CORO1C: variants seen among roughly 807,000 people sequenced by gnomAD.
CORO1C encodes the protein coronin-1C.
CORO1C carries 14 observed loss-of-function variants against 51.2 expected under a neutral mutation model. The observed-to-expected ratio is 0.27, with a 90% CI of 0.18 to 0.43. The LOEUF (loss-of-function observed/expected upper bound fraction) is 0.43. Ranked by LOEUF, CORO1C falls within the 20% of genes least tolerant of loss-of-function variation. The pLI is 1.00. For missense variants in CORO1C, 417 were observed against 607.8 expected (o/e 0.69, Z 3.30); for synonymous variants, 181 against 210.5 (o/e 0.86, Z 1.21).
chr12:108,687,226 G>A (rs1488518275), intron 2 of CORO1C, among the ~76,000 whole-genome samples: 1 of 152,144 alleles, frequency 6.6e-6, no homozygotes, highest in African/African-American at 2.4e-5. Flanking sequence ...TGCTATAAAA[G>A]GAAAGTTCAA....
intron 2 of CORO1C, among the ~76,000 whole-genome samples, chr12:108,683,636 T>A (rs973804731): frequency 6.6e-6 from 1 of 151,916 alleles, no homozygotes; most frequent in Non-Finnish European, 1.5e-5. Flanking sequence ...CTAGATGAAA[T>A]ACACAATCTC....
intron 7 of CORO1C, among the ~76,000 whole-genome samples, chr12:108,653,496 C>T (rs1265644114): frequency 1.3e-5 from 2 of 152,144 alleles, no homozygotes; most frequent in East Asian, 3.8e-4. Context: ...TCTAACAGGT[C>T]TAGGGACTAC....
At chr12:108,679,109 C>CAAAAAAAAAAAAAAAAAAAAA (rs1183326267) in intron 2 of CORO1C, among the ~76,000 whole-genome samples, 2 of 22,166 alleles carry the variant, frequency 9.0e-5, no homozygotes, top group African/African-American at 2.9e-4. Flanking sequence ...GACTCTGTCT[C>CAAAAAAAAAAAAAAAAAAAAA]AAAAAAAAAA....
At chr12:108,711,632 A>G (rs372321099) in intron 1 of CORO1C, among the ~76,000 whole-genome samples, 1 of 151,074 alleles carries the variant, frequency 6.6e-6, no homozygotes, top group African/African-American at 2.4e-5. Context: ...GTGAACCGAG[A>G]TCGCGTCACT....
chr12:108,703,177 C>G (rs529702179), intron 1 of CORO1C: 66 of 379,158 alleles, frequency 1.7e-4, no homozygotes, highest in African/African-American at 1.3e-3. Flanking sequence ...ATAGAAGCTG[C>G]AATCCCTACC....
rs909902477 is a variant in CORO1C, at chr12:108,677,080, C to T, written c.318+1192G>A. The stretch of plus-strand genomic sequence containing the variant: ...GCTTTCCAAACAATGTTTCAGTCCA[C>T]AGCCAATAGAGAGGAAAATAAAAGT... On this transcript the variant is annotated intron_variant, in intron 3 of 10. Transcript: ENST00000261401. Among the ~76,000 whole-genome samples, 3 of 152,170 alleles carry T rather than the reference C, an allele frequency of 2.0e-5. No individual in the cohort carries two copies. In the South Asian group the frequency reaches 6.2e-4, roughly 32 times the overall value.
intron 3 of CORO1C, among the ~76,000 whole-genome samples, chr12:108,673,834 T>G (rs544723830): frequency 2.6e-5 from 4 of 152,120 alleles, no homozygotes; most frequent in Non-Finnish European, 5.9e-5. Flanking sequence ...CATATGTAAC[T>G]AACCTGCACA....
At position 108,715,636 on chromosome 12, in the gene CORO1C, T is replaced by TC. The variant is rs1392728632; in HGVS notation, c.-5-14314dup. Among the ~76,000 whole-genome samples, 5 of 31,736 alleles carry TC rather than the reference T, an allele frequency of 1.6e-4. No individual in the cohort carries two copies. In the East Asian group the frequency reaches 9.4e-3, roughly 60 times the overall value. 20.8% of individuals were successfully genotyped at this position (31,736 alleles called of 152,430 possible). A position where few individuals can be genotyped will look rare whatever the true frequency, so the allele number is the denominator to read the frequency against. On this transcript the variant is annotated intron_variant, in intron 1 of 10. Transcript: ENST00000261401. ...GGCGCTACCTGACCCGCCTCCTCCC[T>TC]CCCCCCCTCCCCCCCGCATACTCAC... is the stretch of plus-strand genomic sequence containing the variant.
intron 3 of CORO1C, among the ~76,000 whole-genome samples, chr12:108,668,091 A>G (rs1449101601): frequency 6.6e-6 from 1 of 152,208 alleles, no homozygotes. Context: ...CTATTTTTCC[A>G]TTCCTAAGGA....
intron 1 of CORO1C, among the ~76,000 whole-genome samples, chr12:108,708,763 A>C (rs554701926): frequency 9.2e-5 from 14 of 151,850 alleles, no homozygotes; most frequent in African/African-American, 1.4e-4. Context: ...TGCTCGGTCT[A>C]TTTATTATTT....
intron 2 of CORO1C, 95 bp from the exon 3 acceptor site, chr12:108,678,489 A>G (rs2033990124): frequency 9.2e-7 from 1 of 1,081,682 alleles, no homozygotes; most frequent in Non-Finnish European, 1.3e-6. Flanking sequence ...ACCTCCACCC[A>G]AAACTCTCAA....
At chr12:108,688,207 A>C (rs1204154927) in intron 2 of CORO1C, among the ~76,000 whole-genome samples, 1 of 152,108 alleles carries the variant, frequency 6.6e-6, no homozygotes, top group African/African-American at 2.4e-5. Context: ...CACCGTGCCC[A>C]GCCCAGTATA....
Position 108,658,719 on chromosome 12 carries a change from T to C in CORO1C, c.630+19A>G. Reference sequence around the variant, plus strand: ...CTCAAGTGCTCCAACTACTGAGTTTTCATCCTAGGAATACTCACAGCAACA... The same window carrying C: ...CTCAAGTGCTCCAACTACTGAGTTTCCATCCTAGGAATACTCACAGCAACA... On this transcript the variant is annotated intron_variant, in intron 5 of 10. Coordinates refer to ENST00000261401, the MANE Select transcript of CORO1C (RefSeq NM_014325.4). This position sits in a 1 kb window ranked among gnomAD's most constrained non-coding sequence, Gnocchi z 4.9. 1.1e-5 allele frequency: 18 copies of C among 1,600,084 alleles called. No homozygotes were observed. The highest frequency in any genetic ancestry group is 1.5e-5 in the Non-Finnish European group (18 of 1,168,036).
chr12:108,694,279 CAAAAAAAA>C lies in CORO1C; in HGVS notation c.195+6837_195+6844del, dbSNP rs60647143. On this transcript the variant is annotated intron_variant, in intron 2 of 10. Transcript: ENST00000261401. ...CCTGGGGAACAGAGCAAGACTGTCTCAAAAAAAAAAAAAAAAAAAAAAAAAGCAAGAAC... is the reference window on the plus strand; with the variant it reads ...CCTGGGGAACAGAGCAAGACTGTCTCAAAAAAAAAAAAAAAAAGCAAGAAC... Among the ~76,000 whole-genome samples, 7 of 66,228 alleles carry C rather than the reference CAAAAAAAA, an allele frequency of 1.1e-4. No individual in the cohort carries two copies. In the Admixed American group the frequency reaches 1.1e-3, roughly 11 times the overall value. 43.4% of individuals were successfully genotyped at this position (66,228 alleles called of 152,430 possible).
At chr12:108,655,091 A>T (rs1461051298) in intron 6 of CORO1C, among the ~76,000 whole-genome samples, 1 of 94,778 alleles carries the variant, frequency 1.1e-5, no homozygotes, top group African/African-American at 4.0e-5. Context: ...CATAAAAATC[A>T]TTCCATCAAA....
Position 108,662,150 on chromosome 12 carries a change from C to G in CORO1C, c.327G>C (p.Gln109His). Residue 109 changes from glutamine (Q) to histidine (H), a missense_variant, in exon 4 of 11, where the codon CAG becomes CAC. Coordinates refer to ENST00000261401, the MANE Select transcript of CORO1C (RefSeq NM_014325.4). ...GSEDCTVMVW[Q>H]IPENGLTLSL... Reference sequence around the variant, plus strand: ...AAAGGGTGAGTCCATTTTCTGGGATCTGCCATACCTGTTGGACAAGGAAGA... The same window carrying G: ...AAAGGGTGAGTCCATTTTCTGGGATGTGCCATACCTGTTGGACAAGGAAGA... 6.2e-7 allele frequency: 1 copy of G among 1,613,634 alleles called. No homozygotes were observed. The highest frequency in any genetic ancestry group is 1.3e-5 in the African/African-American group (1 of 75,020).
chr12:108,697,866 T>A (rs1446076899), intron 2 of CORO1C, among the ~76,000 whole-genome samples: 2 of 152,196 alleles, frequency 1.3e-5, no homozygotes, highest in African/African-American at 2.4e-5. Context: ...GTGTAAACAA[T>A]CAAATATCAA....
chr12:108,663,636 C>T (rs1217670739), intron 3 of CORO1C, among the ~76,000 whole-genome samples: 3 of 152,084 alleles, frequency 2.0e-5, no homozygotes, highest in South Asian at 2.1e-4. Flanking sequence ...TAGGCAAATC[C>T]GTAAAGACAG....
chr12:108,707,155 G>C (rs1200016568), intron 1 of CORO1C, among the ~76,000 whole-genome samples: 1 of 152,148 alleles, frequency 6.6e-6, no homozygotes, highest in Non-Finnish European at 1.5e-5. Flanking sequence ...CAGACTCCCA[G>C]AAGAATTCTT....
Sources: allele counts gnomAD v4.1 joint callset (sites outside exome capture counted in the v4.1 genomes callset), GRCh38; gene constraint gnomAD v4.1.1; non-coding constraint Gnocchi (gnomAD v3.1); transcripts MANE v1.5; gene names NCBI Gene and HGNC (gene_info 2026-07-23, HGNC 2026-07-21).